Variants in GOLM2 observed in about 807,000 individuals in gnomAD.
The protein encoded by GOLM2 is golgi membrane protein 2.
In GOLM2, 26 loss-of-function variants were observed where a neutral mutation model predicts 55.9. The observed-to-expected ratio is 0.47, with a 90% CI of 0.34 to 0.65. The LOEUF is 0.65. Ranked by LOEUF, GOLM2 falls within the 30% of genes least tolerant of loss-of-function variation. The pLI is 0.01. For missense variants in GOLM2, 486 were observed against 531.8 expected (o/e 0.91, Z 0.85); for synonymous variants, 165 against 194.6 (o/e 0.85, Z 1.27).
intron 1 of GOLM2, chr15:44,307,273 T>C (rs1472864527): frequency 6.6e-6 from 1 of 151,952 alleles, no homozygotes; most frequent in Non-Finnish European, 1.5e-5. Context: ...AGTGCAGTGG[T>C]ACGATCTCCG....
intron 1 of GOLM2, among the ~76,000 whole-genome samples, chr15:44,303,614 A>C (rs1011276286): frequency 9.2e-5 from 14 of 151,998 alleles, no homozygotes; most frequent in African/African-American, 3.4e-4. Flanking sequence ...CACCCAGGCT[A>C]AACTGCAGTG....
intron 8 of GOLM2, chr15:44,382,140 A>G (rs1004789250): frequency 1.3e-5 from 2 of 152,156 alleles, no homozygotes; most frequent in African/African-American, 4.8e-5. Context: ...TGTGAAAAAC[A>G]TTTTTATTAC....
intron 8 of GOLM2, among the ~76,000 whole-genome samples, chr15:44,382,717 G>A (rs1040515435): frequency 1.3e-5 from 2 of 151,918 alleles, no homozygotes; most frequent in Non-Finnish European, 2.9e-5. Flanking sequence ...TTTGGGTAAA[G>A]AAGGTGGTTG....
intron 4 of GOLM2, among the ~76,000 whole-genome samples, chr15:44,335,823 T>TC (rs2079052356): frequency 6.6e-6 from 1 of 150,920 alleles, no homozygotes; most frequent in East Asian, 1.9e-4. Flanking sequence ...TTTTTTTTTT[T>TC]TTTTTTTCTG....
intron 6 of GOLM2, among the ~76,000 whole-genome samples, chr15:44,360,820 A>C (rs976517919): frequency 2.0e-4 from 31 of 152,330 alleles, no homozygotes; most frequent in African/African-American, 7.5e-4. Flanking sequence ...TCTCCTCAGC[A>C]AATGTAAAAG....
chr15:44,299,554 A>G (rs1391481883), intron 1 of GOLM2, among the ~76,000 whole-genome samples: 5 of 151,966 alleles, frequency 3.3e-5, no homozygotes, highest in African/African-American at 7.3e-5. Context: ...CGGCCTCCCA[A>G]ATTGACTAGA....
Position 44,400,186 on chromosome 15 carries a change from CTATT to C in GOLM2, c.1073-2685_1073-2682del, listed in dbSNP as rs542505482. On this transcript the variant is annotated intron_variant, in intron 8 of 9. Coordinates refer to ENST00000299957, the MANE Select transcript of GOLM2 (RefSeq NM_138423.4). ...CTCTAACTCTATTTCATCAACTTTT[CTATT>C]TATTTATTTATTTATATATTGTACA... is the stretch of plus-strand genomic sequence containing the variant. Among the ~76,000 whole-genome samples the C allele has an allele frequency of 3.0e-3, 460 of 151,822 alleles. 2 individuals carry two copies. Among genetic ancestry groups the C allele is most frequent in the Non-Finnish European group, 5.6e-3 (378 of 67,904 alleles).
chr15:44,307,840 T>C (rs2078849284), intron 1 of GOLM2: 1 of 152,140 alleles, frequency 6.6e-6, no homozygotes, highest in African/African-American at 2.4e-5. Context: ...TCTTTAGTAA[T>C]TTAACAAAAT....
rs879875241 is a variant in GOLM2, at chr15:44,288,899, C to T, written c.-131C>T. 1.4e-5 allele frequency: 11 copies of T among 795,870 alleles called. No homozygotes were observed. Among genetic ancestry groups the T allele is most frequent in the Non-Finnish European group, 1.9e-5 (10 of 517,192 alleles). 49.3% of individuals were successfully genotyped at this position (795,870 alleles called of 1,614,324 possible). A position where few individuals can be genotyped will look rare whatever the true frequency, so the allele number is the denominator to read the frequency against. On this transcript the variant is annotated 5_prime_UTR_variant, in exon 1 of 10. Coordinates refer to ENST00000299957, the MANE Select transcript of GOLM2 (RefSeq NM_138423.4). ...CCCGCCCCCTTCTCCGGCTCGCAGC[C>T]GACCGGTAAGCCCGCCTCCTCCCTC... is the stretch of plus-strand genomic sequence containing the variant.
intron 4 of GOLM2, among the ~76,000 whole-genome samples, chr15:44,334,019 T>C (rs892851888): frequency 6.6e-6 from 1 of 152,180 alleles, no homozygotes; most frequent in Non-Finnish European, 1.5e-5. Flanking sequence ...CCGGCCGCTC[T>C]CTTCTATTCT....
chr15:44,391,998 G>A (rs1175802986), intron 8 of GOLM2, among the ~76,000 whole-genome samples: 7 of 151,926 alleles, frequency 4.6e-5, no homozygotes, highest in South Asian at 2.1e-4. Context: ...TTACAGGCAC[G>A]TGCCACCATG....
At chr15:44,304,230 C>CTTTT (rs895623812) in intron 1 of GOLM2, among the ~76,000 whole-genome samples, 25 of 82,926 alleles carry the variant, frequency 3.0e-4, no homozygotes, top group East Asian at 4.3e-4. Flanking sequence ...GGCTCCACTT[C>CTTTT]TTTTTTTTTT....
intron 9 of GOLM2, among the ~76,000 whole-genome samples, chr15:44,407,977 C>T (rs2141218962): frequency 6.6e-6 from 1 of 151,718 alleles, no homozygotes; most frequent in East Asian, 1.9e-4. Context: ...GTCTTGAACT[C>T]CTGACCTCAT....
chr15:44,382,573 C>T (rs184822349), intron 8 of GOLM2, among the ~76,000 whole-genome samples: 22 of 152,144 alleles, frequency 1.4e-4, no homozygotes, highest in Admixed American at 8.5e-4. Context: ...GTGATCCGCC[C>T]GCCTCGGCCT....
chr15:44,356,773 C>G (rs2079200977), intron 6 of GOLM2, among the ~76,000 whole-genome samples: 1 of 152,208 alleles, frequency 6.6e-6, no homozygotes, highest in South Asian at 2.1e-4. Context: ...AGACCAATGT[C>G]TCTCATGATC....
intron 6 of GOLM2, chr15:44,348,628 A>G (rs1223582261): frequency 1.3e-5 from 2 of 152,214 alleles, no homozygotes; most frequent in African/African-American, 4.8e-5. Context: ...TGGCTTCATC[A>G]TCTGCTGATT....
chr15:44,291,052 C>T (rs926834893), intron 1 of GOLM2, among the ~76,000 whole-genome samples: 9 of 150,934 alleles, frequency 6.0e-5, no homozygotes, highest in African/African-American at 2.2e-4. Context: ...ATCCGCCCGC[C>T]TCAGCCTCCC....
intron 8 of GOLM2, among the ~76,000 whole-genome samples, chr15:44,399,560 A>C (rs904401065): frequency 2.0e-5 from 3 of 152,212 alleles, no homozygotes; most frequent in Non-Finnish European, 4.4e-5. Flanking sequence ...GGAAATTTTA[A>C]ATTGTTCTGT....
chr15:44,311,252 A>G (rs1489915236), intron 1 of GOLM2, among the ~76,000 whole-genome samples: 1 of 152,138 alleles, frequency 6.6e-6, no homozygotes, highest in East Asian at 1.9e-4. Flanking sequence ...AGAGAAAACT[A>G]TTTTAGAGCT....
Sources: gnomAD v4.1 joint callset for allele counts (sites outside exome capture counted in the v4.1 genomes callset) on GRCh38, gnomAD v4.1.1 for gene constraint, MANE v1.5 for transcripts, NCBI Gene and HGNC (gene_info 2026-07-23, HGNC 2026-07-21) for gene names.